Variants in TET1 observed in about 807,000 individuals in gnomAD.
TET1 encodes the protein methylcytosine dioxygenase TET1.
A neutral mutation model predicts 148.7 loss-of-function variants in TET1; 13 were observed. The ratio of observed to expected loss-of-function variants is 0.09; its 90% CI spans 0.06 to 0.14. The LOEUF (loss-of-function observed/expected upper bound fraction) is 0.14, where lower values mean the gene tolerates loss of function less well. Among genes scored for constraint, TET1 ranks in the 10% least tolerant of loss-of-function variants. The pLI, the probability that TET1 is intolerant of heterozygous loss-of-function variation, is 1.00. For synonymous variants in TET1, 907 were observed against 937.2 expected (o/e 0.97, Z 0.59); for missense variants, 2,182 against 2,553.8 (o/e 0.85, Z 3.14).
chr10:68,580,941 G>A lies in TET1; in HGVS notation c.1914+6689G>A, dbSNP rs147109937. Among the ~76,000 whole-genome samples, 655 of 152,022 alleles carry A rather than the reference G, an allele frequency of 4.3e-3. 2 individuals carry two copies. Among genetic ancestry groups the A allele is most frequent in the Middle Eastern group, 0.014 (4 of 292 alleles). On this transcript the variant is annotated intron_variant, in intron 2 of 11. Transcript: ENST00000373644. ...GCTGTGATCTCTCCACCGCACTCTA[G>A]CCTTGGTGGCAGTGAGACTGTGTCT...
In TET1 at chr10:68,593,915, ATTTT is replaced by A. The variant is rs3998851; in HGVS notation, c.1915-7041_1915-7038del. On this transcript the variant is annotated intron_variant, in intron 2 of 11. Coordinates refer to ENST00000373644, the MANE Select transcript of TET1 (RefSeq NM_030625.3). Reference sequence around the variant, plus strand: ...AGGCGTGAGCCACTGCGCCTGAGCTATTTTTTTTTTTTTTTTTTTTTTTTTTTTG... The same window carrying A: ...AGGCGTGAGCCACTGCGCCTGAGCTATTTTTTTTTTTTTTTTTTTTTTTTG... Among the ~76,000 whole-genome samples, 5 of 44,750 alleles carry A rather than the reference ATTTT, an allele frequency of 1.1e-4. No individual in the cohort carries two copies. The East Asian group carries it at 4.2e-3, about 38-fold the overall frequency. The allele number at this position is 44,750 out of a possible 152,430, so 29.4% of individuals were successfully genotyped here.
chr10:68,646,310 A>G lies in TET1; in HGVS notation c.3581A>G (p.Lys1194Arg), dbSNP rs1183864910. The G allele has an allele frequency of 1.9e-6, 3 of 1,614,134 alleles. No homozygotes were observed. Among genetic ancestry groups the G allele is most frequent in the Non-Finnish European group, 2.5e-6 (3 of 1,180,016 alleles). Reference sequence around the variant, plus strand: ...ATATGCGACATTTGGATAGCATCGAAATTTCAAAATTTTGGGCAATTTTGT... The same window carrying G: ...ATATGCGACATTTGGATAGCATCGAGATTTCAAAATTTTGGGCAATTTTGT... ...GTICDIWIASKFQNFGQFCPH... is the reference protein window; with the variant it reads ...GTICDIWIASRFQNFGQFCPH... The change falls in exon 4 of 12, where the codon AAA becomes AGA. Residue 1194 changes from lysine (K) to arginine (R), a missense_variant. Physicochemically the swap from Lys to Arg is conservative, Grantham distance 26. Coordinates refer to ENST00000373644, the MANE Select transcript of TET1 (RefSeq NM_030625.3).
chr10:68,640,080 A>T (rs7096510), intron 3 of TET1, among the ~76,000 whole-genome samples: 1 of 151,598 alleles, frequency 6.6e-6, no homozygotes, highest in Non-Finnish European at 1.5e-5. Flanking sequence ...GGCATGTGTC[A>T]CCTCGCCAGG....
At chr10:68,641,328 G>C (rs2054750361) in intron 3 of TET1, among the ~76,000 whole-genome samples, 1 of 151,508 alleles carries the variant, frequency 6.6e-6, no homozygotes. Flanking sequence ...TGAGAGGCAG[G>C]GTGTCACTTT....
chr10:68,636,978 T>TCG (rs1453719878), intron 3 of TET1, among the ~76,000 whole-genome samples: 36 of 18,914 alleles, frequency 1.9e-3, no homozygotes, highest in Non-Finnish European at 3.6e-3. Flanking sequence ...ATTATTTTAC[T>TCG]CGTTGTGTGT....
rs2054048582 is a variant in TET1, at chr10:68,601,049, A to C, written c.1968+15A>C. On this transcript the variant is annotated intron_variant, in intron 3 of 11. Coordinates refer to ENST00000373644, the MANE Select transcript of TET1 (RefSeq NM_030625.3). ...AAGTTTTAAAGGTAATCAGCTGTTGATTAAATAATATTTCATTATTTTTCC... is the reference window on the plus strand; with the variant it reads ...AAGTTTTAAAGGTAATCAGCTGTTGCTTAAATAATATTTCATTATTTTTCC... The C allele has an allele frequency of 3.8e-6, 6 of 1,584,836 alleles. 1 individual carries two copies. The African/African-American group carries it at 6.8e-5, about 18-fold the overall frequency.
At chr10:68,613,657 C>T (rs73278509) in intron 3 of TET1, among the ~76,000 whole-genome samples, 2,284 of 152,254 alleles carry the variant, frequency 0.015, 47 homozygotes, top group African/African-American at 0.052. Context: ...TACTGGTTGG[C>T]CGGACACAGT....
intron 2 of TET1, among the ~76,000 whole-genome samples, chr10:68,593,230 C>CA (rs576381158): frequency 0.038 from 1,625 of 43,108 alleles, 183 homozygotes; most frequent in Middle Eastern, 0.045. Context: ...AACTCTGTCT[C>CA]AAAAAAAAAA....
intron 3 of TET1, among the ~76,000 whole-genome samples, chr10:68,615,235 A>G (rs1348588229): frequency 1.3e-5 from 2 of 152,072 alleles, no homozygotes; most frequent in Admixed American, 6.6e-5. Flanking sequence ...CCAGCCTGGC[A>G]TAGTACACAG....
intron 2 of TET1, among the ~76,000 whole-genome samples, chr10:68,579,215 G>A (rs527251178): frequency 6.6e-6 from 1 of 152,292 alleles, no homozygotes; most frequent in Admixed American, 6.5e-5. Flanking sequence ...AAAAAACACT[G>A]TATCTCTAAT....
chr10:68,591,434 C>T (rs1011249660), intron 2 of TET1, among the ~76,000 whole-genome samples: 1 of 152,208 alleles, frequency 6.6e-6, no homozygotes, highest in African/African-American at 2.4e-5. Context: ...AGAGCATCCC[C>T]TACTTCCAAC....
chr10:68,586,774 A>G (rs1484754616), intron 2 of TET1, among the ~76,000 whole-genome samples: 1 of 152,040 alleles, frequency 6.6e-6, no homozygotes, highest in Non-Finnish European at 1.5e-5. Context: ...TACTTGTAAC[A>G]TTGAGATAGT....
At chr10:68,669,401 C>T (rs1455518948) in intron 7 of TET1, among the ~76,000 whole-genome samples, 3 of 149,870 alleles carry the variant, frequency 2.0e-5, no homozygotes, top group African/African-American at 4.9e-5. Context: ...AACTCTGCAT[C>T]CCAGGTTCAC....
rs1401841209 is a variant in TET1, at chr10:68,596,017, C to CATATAT, written c.1915-4963_1915-4962insTATATA. Among the ~76,000 whole-genome samples the CATATAT allele has an allele frequency of 2.4e-3, 256 of 108,478 alleles. 3 individuals carry two copies. The highest frequency in any genetic ancestry group is 5.1e-3 in the African/African-American group (126 of 24,790). 71.2% of individuals were successfully genotyped at this position (108,478 alleles called of 152,430 possible). ...ACACACACACACACACACACACACA[C>CATATAT]ACACACACACATATATATATATATA... On this transcript the variant is annotated intron_variant, in intron 2 of 11. Coordinates refer to ENST00000373644, the MANE Select transcript of TET1 (RefSeq NM_030625.3).
At chr10:68,613,343 G>A (rs2054244418) in intron 3 of TET1, among the ~76,000 whole-genome samples, 2 of 152,150 alleles carry the variant, frequency 1.3e-5, no homozygotes, top group South Asian at 4.1e-4. Flanking sequence ...TGATTTGATG[G>A]TCAAGTGATT....
chr10:68,669,702 T>C (rs1465222355), intron 7 of TET1, among the ~76,000 whole-genome samples: 1 of 149,756 alleles, frequency 6.7e-6, no homozygotes, highest in East Asian at 2.0e-4. Flanking sequence ...CAGGCTGGAG[T>C]GCAGTGGTGC....
At chr10:68,638,632 A>G (rs1462670119) in intron 3 of TET1, among the ~76,000 whole-genome samples, 1 of 152,212 alleles carries the variant, frequency 6.6e-6, no homozygotes, top group African/African-American at 2.4e-5. Flanking sequence ...TAAAGGTCTT[A>G]CTTGACCATG....
chr10:68,644,145 C>T (rs190092556), intron 3 of TET1, among the ~76,000 whole-genome samples: 175 of 151,786 alleles, frequency 1.2e-3, no homozygotes, highest in African/African-American at 3.6e-3. Context: ...CCTTGTGATC[C>T]GCCCACCTTG....
chr10:68,591,906 A>AAAACAAAC (rs371466447), intron 2 of TET1, among the ~76,000 whole-genome samples: 2 of 151,512 alleles, frequency 1.3e-5, no homozygotes, highest in African/African-American at 4.9e-5. Context: ...CTCCCTCTCA[A>AAAACAAAC]AAACAAACAA....
Sources: allele counts gnomAD v4.1 joint callset (sites outside exome capture counted in the v4.1 genomes callset), GRCh38; gene constraint gnomAD v4.1.1; transcripts MANE v1.5; gene names NCBI Gene and HGNC (gene_info 2026-07-23, HGNC 2026-07-21).